Variants in EPHA3 observed in about 807,000 individuals in gnomAD.
EPHA3 encodes ephrin type-A receptor 3.
EPHA3 carries 42 observed loss-of-function variants against 107.1 expected under a neutral mutation model. The observed-to-expected ratio is 0.39, with a 90% CI of 0.31 to 0.51. The LOEUF is 0.51. Among genes scored for constraint, EPHA3 ranks in the 20% least tolerant of loss-of-function variants. The pLI is 0.78. For synonymous variants in EPHA3, 461 were observed against 424.8 expected (o/e 1.09, Z -1.05); for missense variants, 1,183 against 1,211.2 (o/e 0.98, Z 0.35).
intron 3 of EPHA3, among the ~76,000 whole-genome samples, chr3:89,242,229 G>A (rs1265165505): frequency 6.6e-6 from 1 of 152,154 alleles, no homozygotes; most frequent in Non-Finnish European, 1.5e-5. Flanking sequence ...ATTCTACAGA[G>A]ACAATCATTC....
At chr3:89,416,473 C>A (rs558959807) in intron 10 of EPHA3, among the ~76,000 whole-genome samples, 1 of 151,158 alleles carries the variant, frequency 6.6e-6, no homozygotes, top group East Asian at 2.0e-4. Context: ...TAATCTTTTT[C>A]TATTTTTAGC....
rs1456986210 is a variant in EPHA3 at position 89,222,880 on chromosome 3, ACTTCTTAAGT to A, written c.814+12361_814+12370del. Among the ~76,000 whole-genome samples the A allele has an allele frequency of 3.9e-5, 6 of 152,310 alleles. No individual in the cohort carries two copies. In the East Asian group the frequency reaches 1.2e-3, roughly 29 times the overall value. Reference sequence around the variant, plus strand: ...AAATGAATGTGACTTAAAGTTGCAGACTTCTTAAGTATCTGACCTGGTTGTTCTATACAAG... The same window carrying A: ...AAATGAATGTGACTTAAAGTTGCAGAATCTGACCTGGTTGTTCTATACAAG... On this transcript the variant is annotated intron_variant, in intron 3 of 16. Transcript: ENST00000336596.
chr3:89,212,859 T>C (rs1361988692), intron 3 of EPHA3, among the ~76,000 whole-genome samples: 3 of 152,046 alleles, frequency 2.0e-5, no homozygotes, highest in African/African-American at 7.2e-5. Flanking sequence ...GCTAACTTTA[T>C]TCCTTCTTCT....
chr3:89,201,083 T>C (rs939030276), intron 2 of EPHA3, among the ~76,000 whole-genome samples: 1 of 152,134 alleles, frequency 6.6e-6, no homozygotes, highest in Non-Finnish European at 1.5e-5. Context: ...TTCTGCAAGC[T>C]GTACAGGAAG....
chr3:89,468,010 G>A (rs2107571175), intron 15 of EPHA3, among the ~76,000 whole-genome samples: 1 of 152,248 alleles, frequency 6.6e-6, no homozygotes, highest in Admixed American at 6.5e-5. Context: ...CTGGGGCTGG[G>A]TCTGAAAAAA....
At chr3:89,183,317 T>C (rs1322948835) in intron 2 of EPHA3, among the ~76,000 whole-genome samples, 1 of 151,960 alleles carries the variant, frequency 6.6e-6, no homozygotes, top group African/African-American at 2.4e-5. Context: ...ACATGCTTCA[T>C]TGAGCTCCTA....
intron 3 of EPHA3, among the ~76,000 whole-genome samples, chr3:89,326,196 A>C (rs1336667483): frequency 6.6e-6 from 1 of 152,040 alleles, no homozygotes; most frequent in African/African-American, 2.4e-5. Context: ...TGAGGATACC[A>C]AAATCCATGG....
intron 11 of EPHA3, among the ~76,000 whole-genome samples, chr3:89,424,912 T>C (rs1385804215): frequency 6.6e-6 from 1 of 151,392 alleles, no homozygotes; most frequent in Non-Finnish European, 1.5e-5. Context: ...AAGCATTCTA[T>C]GTGTTAGGAT....
intron 5 of EPHA3, among the ~76,000 whole-genome samples, chr3:89,350,767 G>C (rs1250426348): frequency 6.6e-6 from 1 of 150,848 alleles, no homozygotes; most frequent in Non-Finnish European, 1.5e-5. Context: ...TTTGGTCTTT[G>C]ATGATGGTGA....
chr3:89,321,888 A>T (rs1488545844), intron 3 of EPHA3, among the ~76,000 whole-genome samples: 5 of 152,270 alleles, frequency 3.3e-5, no homozygotes, highest in Non-Finnish European at 7.4e-5. Context: ...TTCTAGTATC[A>T]TGGTATTTAG....
chr3:89,469,638 C>T (rs1710362162), intron 15 of EPHA3, among the ~76,000 whole-genome samples: 2 of 152,120 alleles, frequency 1.3e-5, no homozygotes, highest in African/African-American at 4.8e-5. Flanking sequence ...CACAGATTTG[C>T]TTCATAGATT....
chr3:89,387,841 G>A (rs1449658620), intron 5 of EPHA3, among the ~76,000 whole-genome samples: 1 of 152,034 alleles, frequency 6.6e-6, no homozygotes, highest in African/African-American at 2.4e-5. Context: ...TCTCCACGCT[G>A]AGAAAAGGAT....
chr3:89,210,478 T>G lies in EPHA3; in HGVS notation c.772T>G (p.Ser258Ala), dbSNP rs1706250509. The change falls in exon 3 of 17, where the codon TCC becomes GCC. Residue 258 changes from serine to alanine, a missense_variant. By Grantham distance (99) the Ser-to-Ala change is moderately conservative. Coordinates refer to ENST00000336596, the MANE Select transcript of EPHA3 (RefSeq NM_005233.6). ...ATGGCTTGTACCCATTGGCAAGTGTTCCTGCAATGCTGGCTATGAAGAAAG... is the reference window on the plus strand; with the variant it reads ...ATGGCTTGTACCCATTGGCAAGTGTGCCTGCAATGCTGGCTATGAAGAAAG... ...GEWLVPIGKC[S>A]CNAGYEERGF... 2 of 1,582,656 alleles carry G rather than the reference T, an allele frequency of 1.3e-6. No homozygotes were observed. The highest frequency in any genetic ancestry group is 1.7e-6 in the Non-Finnish European group (2 of 1,168,156).
intron 3 of EPHA3, among the ~76,000 whole-genome samples, chr3:89,321,306 C>T (rs1344781227): frequency 6.6e-6 from 1 of 151,488 alleles, no homozygotes; most frequent in Non-Finnish European, 1.5e-5. Context: ...GCCAGCTAAA[C>T]AGTGCCGATC....
intron 3 of EPHA3, among the ~76,000 whole-genome samples, chr3:89,336,321 A>G (rs1707392037): frequency 6.6e-6 from 1 of 152,162 alleles, no homozygotes; most frequent in Admixed American, 6.5e-5. Flanking sequence ...ATAAGCAAAG[A>G]TAACACACAC....
At chr3:89,292,079 C>G (rs770527863) in intron 3 of EPHA3, among the ~76,000 whole-genome samples, 1 of 152,054 alleles carries the variant, frequency 6.6e-6, no homozygotes, top group African/African-American at 2.4e-5. Context: ...AACAAAGACA[C>G]TATAATTCCT....
chr3:89,117,690 T>G (rs1055699831), intron 1 of EPHA3, among the ~76,000 whole-genome samples: 11 of 152,076 alleles, frequency 7.2e-5, no homozygotes, highest in African/African-American at 2.7e-4. Flanking sequence ...ATATATACCT[T>G]TTGACCTCAT....
rs1378232404 is a variant in EPHA3 at position 89,135,119 on chromosome 3, G to A, written c.153+7846G>A. On this transcript the variant is annotated intron_variant, in intron 2 of 16. Transcript: ENST00000336596. ...GTTTATTTATAATTTTTAGTGATGA[G>A]AATGTTCTCAAATATTGATATTTCA... Among the ~76,000 whole-genome samples, 9 of 152,124 alleles carry A rather than the reference G, an allele frequency of 5.9e-5. No homozygotes were observed. In the South Asian group the frequency reaches 8.3e-4, roughly 14 times the overall value.
chr3:89,214,179 C>A (rs1704172837), intron 3 of EPHA3, among the ~76,000 whole-genome samples: 1 of 151,890 alleles, frequency 6.6e-6, no homozygotes, highest in Non-Finnish European at 1.5e-5. Flanking sequence ...TTGTCACTAA[C>A]AAGTGTTTGA....
Sources: allele counts gnomAD v4.1 joint callset (sites outside exome capture counted in the v4.1 genomes callset), GRCh38; gene constraint gnomAD v4.1.1; transcripts MANE v1.5; gene names NCBI Gene and HGNC (gene_info 2026-07-23, HGNC 2026-07-21).